The following TNPO1 variants were observed in gnomAD, a reference collection of about 807,000 sequenced individuals.
The protein encoded by TNPO1 is transportin 1.
In TNPO1, 8 loss-of-function variants were observed where a neutral mutation model predicts 119.5. The observed-to-expected ratio is 0.07, with a 90% CI of 0.04 to 0.12. The LOEUF (loss-of-function observed/expected upper bound fraction) is 0.12. Ranked by LOEUF, TNPO1 falls within the 10% of genes least tolerant of loss-of-function variation. The probability of loss-of-function intolerance (pLI) is 1.00; values close to 1 mark genes in which losing one functional copy is unlikely to be tolerated. For synonymous variants in TNPO1, 362 were observed against 363.0 expected (o/e 1.00, Z 0.03); for missense variants, 576 against 1,089.8 (o/e 0.53, Z 6.64).
intron 6 of TNPO1, among the ~76,000 whole-genome samples, chr5:72,870,968 A>C (rs1318432326): frequency 1.3e-5 from 2 of 152,000 alleles, no homozygotes; most frequent in East Asian, 3.9e-4. Flanking sequence ...GTTGTTTTTG[A>C]GACAGAGTTG....
intron 1 of TNPO1, among the ~76,000 whole-genome samples, chr5:72,831,554 A>G (rs1174796128): frequency 6.6e-6 from 1 of 151,988 alleles, no homozygotes; most frequent in Non-Finnish European, 1.5e-5. Flanking sequence ...CATATTAAAA[A>G]TTATTTTGTA....
intron 1 of TNPO1, among the ~76,000 whole-genome samples, chr5:72,845,273 C>A (rs1404950530): frequency 6.6e-6 from 1 of 151,850 alleles, no homozygotes; most frequent in Non-Finnish European, 1.5e-5. Flanking sequence ...ATAAGAAAAT[C>A]CAATATTGAT....
chr5:72,851,125 TAA>T (rs952049147), intron 2 of TNPO1, 117 bp from the exon 3 acceptor site: 3 of 598,502 alleles, frequency 5.0e-6, no homozygotes, highest in African/African-American at 1.9e-5. Flanking sequence ...ATTCTTAGTT[TAA>T]AAAAAAAACG....
intron 24 of TNPO1, among the ~76,000 whole-genome samples, chr5:72,906,264 CTTTTTTTTTT>C (rs1750139493): frequency 2.2e-5 from 2 of 90,240 alleles, no homozygotes; most frequent in Non-Finnish European, 2.0e-5. Flanking sequence ...GTGCCCATCA[CTTTTTTTTTT>C]CTTTTTTTTT....
chr5:72,842,327 G>A (rs977776188), intron 1 of TNPO1, among the ~76,000 whole-genome samples: 1 of 152,180 alleles, frequency 6.6e-6, no homozygotes, highest in Non-Finnish European at 1.5e-5. Context: ...GGACACTGGA[G>A]CCAGATTAGT....
At chr5:72,835,773 A>T (rs1290244142) in intron 1 of TNPO1, among the ~76,000 whole-genome samples, 1 of 152,146 alleles carries the variant, frequency 6.6e-6, no homozygotes, top group Non-Finnish European at 1.5e-5. Flanking sequence ...AGAAGTCTTA[A>T]CTCGTTCCAG....
chr5:72,880,195 G>GA (rs1004328261), intron 9 of TNPO1, among the ~76,000 whole-genome samples: 9 of 149,950 alleles, frequency 6.0e-5, no homozygotes, highest in Admixed American at 1.3e-4. Flanking sequence ...CCCTTTCTCA[G>GA]AAAAAAAAAG....
chr5:72,876,220 C>A (rs1218923525), intron 8 of TNPO1, among the ~76,000 whole-genome samples: 1 of 152,162 alleles, frequency 6.6e-6, no homozygotes, highest in Non-Finnish European at 1.5e-5. Context: ...ACAGTTCTTT[C>A]TTCCACAATA....
chr5:72,903,066 ATATTT>A (rs903592887), intron 22 of TNPO1, among the ~76,000 whole-genome samples: 26 of 152,310 alleles, frequency 1.7e-4, no homozygotes, highest in Non-Finnish European at 2.4e-4. Flanking sequence ...AAGATTGAGA[ATATTT>A]TAATGAAATG....
chr5:72,855,182 T>TA (rs1378399261), intron 3 of TNPO1, among the ~76,000 whole-genome samples: 1 of 151,646 alleles, frequency 6.6e-6, no homozygotes, highest in Non-Finnish European at 1.5e-5. Context: ...TTTTAGTAGA[T>TA]ACGGGGTTTC....
rs758845861 is a variant in TNPO1 at position 72,887,156 on chromosome 5, T to C, written c.1237T>C (p.Leu413=). 1 of 1,614,012 alleles carries C rather than the reference T, an allele frequency of 6.2e-7. No individual in the cohort carries two copies. The highest frequency in any genetic ancestry group is 1.1e-5 in the South Asian group (1 of 91,068). Residue 413 remains leucine, a synonymous_variant, in exon 12 of 25, where the codon TTA becomes CTA. Coordinates refer to ENST00000337273, the MANE Select transcript of TNPO1 (RefSeq NM_002270.4). ...ACATATTTTGCCCCTTTTGAAAGAA[T>C]TACTTTTTCATCATGAATGGGTTGT... ...LPHILPLLKE[L]LFHHEWVVKE... is the part of the protein sequence containing the mutation.
chr5:72,862,781 G>A (rs573271435), intron 5 of TNPO1, among the ~76,000 whole-genome samples: 5 of 152,200 alleles, frequency 3.3e-5, no homozygotes, highest in South Asian at 4.1e-4. Flanking sequence ...GAGTAGCTGC[G>A]ATTACAGGCA....
chr5:72,870,114 G>T (rs2112355843), intron 6 of TNPO1, among the ~76,000 whole-genome samples: 1 of 149,178 alleles, frequency 6.7e-6, no homozygotes, highest in East Asian at 2.0e-4. Flanking sequence ...CATTAAATCT[G>T]TGGATCAATT....
chr5:72,852,444 T>C (rs575295775), intron 3 of TNPO1, among the ~76,000 whole-genome samples: 5 of 152,328 alleles, frequency 3.3e-5, no homozygotes, highest in Middle Eastern at 3.4e-3. Context: ...ATAGCATTAT[T>C]TGGGTATTCC....
At chr5:72,867,869 T>G (rs1201834699) in intron 6 of TNPO1, among the ~76,000 whole-genome samples, 3 of 152,218 alleles carry the variant, frequency 2.0e-5, no homozygotes, top group Non-Finnish European at 4.4e-5. Flanking sequence ...TGCATGACAA[T>G]TAGCATATTT....
chr5:72,834,734 G>C (rs1744618715), intron 1 of TNPO1, among the ~76,000 whole-genome samples: 1 of 152,156 alleles, frequency 6.6e-6, no homozygotes, highest in Non-Finnish European at 1.5e-5. Flanking sequence ...AAGTACAGTA[G>C]TGTACAGTAT....
intron 1 of TNPO1, among the ~76,000 whole-genome samples, chr5:72,831,229 T>A (rs1179688998): frequency 1.3e-5 from 2 of 152,100 alleles, no homozygotes; most frequent in Non-Finnish European, 1.5e-5. Flanking sequence ...TGTAGAAGAA[T>A]ATAGGCCCTC....
At chr5:72,830,912 G>A (rs959011300) in intron 1 of TNPO1, among the ~76,000 whole-genome samples, 1 of 152,110 alleles carries the variant, frequency 6.6e-6, no homozygotes, top group Non-Finnish European at 1.5e-5. Flanking sequence ...ACTTGTAAGT[G>A]TATAGTCATG....
chr5:72,818,965 T>C (rs540008728), intron 1 of TNPO1, among the ~76,000 whole-genome samples: 1 of 152,310 alleles, frequency 6.6e-6, no homozygotes, highest in South Asian at 2.1e-4. Flanking sequence ...TCTTCTGGGT[T>C]GTACAAGGGA....
Sources: gnomAD v4.1 joint callset for allele counts (sites outside exome capture counted in the v4.1 genomes callset) on GRCh38, gnomAD v4.1.1 for gene constraint, MANE v1.5 for transcripts, NCBI Gene and HGNC (gene_info 2026-07-23, HGNC 2026-07-21) for gene names.